The following NPHP4 variants were observed in gnomAD, a reference collection of about 807,000 sequenced individuals.
NPHP4 encodes the protein nephrocystin-4.
A neutral mutation model predicts 155.8 loss-of-function variants in NPHP4; 151 were observed. The observed-to-expected ratio is 0.97, with a 90% CI of 0.85 to 1.11. The LOEUF is 1.11. NPHP4 is among the 50% of genes least tolerant of loss of function. The pLI, the probability that NPHP4 is intolerant of heterozygous loss-of-function variation, is 0.00. For missense variants in NPHP4, 1,956 were observed against 1,925.7 expected (o/e 1.02, Z -0.29); for synonymous variants, 845 against 816.8 (o/e 1.03, Z -0.59).
chr1:5,892,601 C>T lies in NPHP4; in HGVS notation c.2144-1573G>A, dbSNP rs1644187734. ...CAGAATGGGGGCCGGTCCAGCGGGG[C>T]ACTGGAAGGAGCTCCCCAGGAGACA... On this transcript the variant is annotated intron_variant, in intron 16 of 29. Transcript: ENST00000378156. The surrounding 1 kb of genome is among the most constrained non-coding windows in gnomAD (Gnocchi z 4.5). 6.6e-6 allele frequency among the ~76,000 whole-genome samples: 1 copy of T among 152,056 alleles called. No homozygotes were observed. The highest frequency in any genetic ancestry group is 2.1e-4 in the South Asian group (1 of 4,826).
rs34265978 is a variant in NPHP4 at position 5,874,882 on chromosome 1, G to A, written c.3036C>T (p.Pro1012=). Residue 1012 remains proline, a synonymous_variant, in exon 21 of 30, where the codon CCC becomes CCT. Transcript: ENST00000378156. ...QHTVTVEIDN[P]ELSVIVDSQE... ...CACCACTGAGACCTCACCTGAGCTC[G>A]GGGTTGTCGATCTCCACAGTCACCG... 4.8e-4 allele frequency: 769 copies of A among 1,613,624 alleles called. 2 individuals carry two copies. The African/African-American group carries it at 9.1e-3, about 19-fold the overall frequency.
intron 7 of NPHP4, among the ~76,000 whole-genome samples, chr1:5,951,930 C>G (rs1323617681): frequency 6.6e-6 from 1 of 152,188 alleles, no homozygotes; most frequent in East Asian, 1.9e-4. Context: ...GCGCATGCTG[C>G]GTACTAGGCA....
intron 29 of NPHP4, 118 bp from the exon 30 acceptor site, chr1:5,863,523 T>C: frequency 7.9e-7 from 1 of 1,272,886 alleles, no homozygotes; most frequent in South Asian, 1.4e-5. Flanking sequence ...AGGGGAGCCC[T>C]GCGGGTGCAT....
chr1:5,947,926 T>C (rs1647198491), intron 8 of NPHP4, 144 bp downstream of exon 8: 1 of 670,042 alleles, frequency 1.5e-6, no homozygotes, highest in African/African-American at 1.8e-5. Context: ...AGTTTGTTCC[T>C]AATGGGCACA....
chr1:5,952,167 A>G (rs1252913270), intron 7 of NPHP4, among the ~76,000 whole-genome samples: 1 of 152,152 alleles, frequency 6.6e-6, no homozygotes, highest in East Asian at 1.9e-4. Flanking sequence ...CCGAGGGGAC[A>G]GTGAGTCTGG....
chr1:5,988,829 C>T (rs1484067891), intron 1 of NPHP4, among the ~76,000 whole-genome samples: 6 of 152,112 alleles, frequency 3.9e-5, no homozygotes, highest in Non-Finnish European at 8.8e-5. Flanking sequence ...CCACAGTGCA[C>T]CCAGACGCTG....
intron 11 of NPHP4, among the ~76,000 whole-genome samples, chr1:5,926,242 C>A (rs555288281): frequency 1.3e-5 from 2 of 152,304 alleles, no homozygotes; most frequent in South Asian, 4.1e-4. Flanking sequence ...AAATGCATCA[C>A]CTCTATGAAA....
rs551549414 is a variant in NPHP4, at chr1:5,867,251, C to T, written c.3473-136G>A. On this transcript the variant is annotated intron_variant, in intron 24 of 29. Coordinates refer to ENST00000378156, the MANE Select transcript of NPHP4 (RefSeq NM_015102.5). The surrounding 1 kb of genome is among the most constrained non-coding windows in gnomAD (Gnocchi z 4.1). The stretch of plus-strand genomic sequence containing the variant: ...GCAAGACACCTGCTGGGGAAACGGA[C>T]GCCGCCACCTTTCCCAGGACAGCAT... The T allele has an allele frequency of 3.2e-5, 21 of 647,818 alleles. No homozygotes were observed. The highest frequency in any genetic ancestry group is 2.5e-4 in the Middle Eastern group (1 of 3,972). The allele number at this position is 647,818 out of a possible 1,614,324, so 40.1% of individuals were successfully genotyped here. A position where few individuals can be genotyped will look rare whatever the true frequency, so the allele number is the denominator to read the frequency against.
chr1:5,871,941 C>T (rs973065879), intron 23 of NPHP4, among the ~76,000 whole-genome samples: 16 of 152,230 alleles, frequency 1.1e-4, no homozygotes, highest in African/African-American at 3.6e-4. Context: ...GGTAAACTAA[C>T]ACAGTGTCTA....
At chr1:5,967,816 T>C (rs920627697) in intron 4 of NPHP4, among the ~76,000 whole-genome samples, 2 of 152,178 alleles carry the variant, frequency 1.3e-5, no homozygotes, top group South Asian at 4.1e-4. Flanking sequence ...ATCTAGTGCG[T>C]TGCCAGGGAT....
Position 5,905,250 on chromosome 1 carries a change from A to G in NPHP4, c.1955+42T>C. 6.6e-7 allele frequency: 1 copy of G among 1,511,138 alleles called. No homozygotes were observed. Among genetic ancestry groups the G allele is most frequent in the Non-Finnish European group, 9.2e-7 (1 of 1,086,166 alleles). The allele number at this position is 1,511,138 out of a possible 1,614,324, so 93.6% of individuals were successfully genotyped here. ...AGCGAAGTTTCTCTTCAACACAGGA[A>G]ATGTGAAAGCCAGATGAGTAACAGA... On this transcript the variant is annotated intron_variant, in intron 15 of 29. Transcript: ENST00000378156. This position sits in a 1 kb window ranked among gnomAD's most constrained non-coding sequence, Gnocchi z 4.0.
intron 9 of NPHP4, 137 bp downstream of exon 9, chr1:5,946,967 C>T: frequency 1.1e-6 from 1 of 925,274 alleles, no homozygotes; most frequent in Non-Finnish European, 1.7e-6. Flanking sequence ...TGATAAATGT[C>T]AGTAAAGTGA....
chr1:5,980,567 T>A (rs1281792797), intron 2 of NPHP4, among the ~76,000 whole-genome samples: 1 of 149,916 alleles, frequency 6.7e-6, no homozygotes, highest in Non-Finnish European at 1.5e-5. Flanking sequence ...GGGGCGGGAG[T>A]GGAAGCAGGG....
chr1:5,989,979 G>T (rs1450416539), intron 1 of NPHP4, among the ~76,000 whole-genome samples: 3 of 152,238 alleles, frequency 2.0e-5, no homozygotes, highest in Non-Finnish European at 4.4e-5. Context: ...GTGGAGGCAG[G>T]GCAGTCCTAG....
At chr1:5,945,823 A>C (rs373274140) in intron 9 of NPHP4, among the ~76,000 whole-genome samples, 1 of 152,152 alleles carries the variant, frequency 6.6e-6, no homozygotes, top group South Asian at 2.1e-4. Flanking sequence ...GAAAATATTA[A>C]ACAGAAAACT....
In NPHP4 at chr1:5,967,374, G is replaced by T. The variant is rs1318179637; in HGVS notation, c.453-11C>A. ...TGGTACAGCCGCAACCTGGAAGACA[G>T]GACCCAGAGAACAGTCGTCAGCCAC... On this transcript the variant is annotated splice_polypyrimidine_tract_variant and intron_variant, in intron 4 of 29. Coordinates refer to ENST00000378156, the MANE Select transcript of NPHP4 (RefSeq NM_015102.5). 3 of 1,601,554 alleles carry T rather than the reference G, an allele frequency of 1.9e-6. No individual in the cohort carries two copies. Among genetic ancestry groups the T allele is most frequent in the African/African-American group, 1.3e-5 (1 of 74,716 alleles).
rs1646361571 is a variant in NPHP4, at chr1:5,933,127, A to T, written c.1302+20T>A. 6.7e-7 allele frequency: 1 copy of T among 1,501,856 alleles called. No homozygotes were observed. Among genetic ancestry groups the T allele is most frequent in the Admixed American group, 2.1e-5 (1 of 47,006 alleles). 93.0% of individuals were successfully genotyped at this position (1,501,856 alleles called of 1,614,324 possible). A position where few individuals can be genotyped will look rare whatever the true frequency, so the allele number is the denominator to read the frequency against. ...GCTAGAAGCTCACCGGAGATGCATAAGAAATACCTAATAATTTACCTCTTC... is the reference window on the plus strand; with the variant it reads ...GCTAGAAGCTCACCGGAGATGCATATGAAATACCTAATAATTTACCTCTTC... On this transcript the variant is annotated intron_variant, in intron 10 of 29. Coordinates refer to ENST00000378156, the MANE Select transcript of NPHP4 (RefSeq NM_015102.5).
intron 18 of NPHP4, 130 bp downstream of exon 18, chr1:5,887,156 G>A (rs1570248518): frequency 1.2e-6 from 1 of 862,860 alleles, no homozygotes; most frequent in East Asian, 2.7e-5. Flanking sequence ...TGGCCAAGCT[G>A]GTGAGAATTC....
In NPHP4 at chr1:5,874,907, G is replaced by C; in HGVS notation, c.3011C>G (p.Thr1004Arg). 6.2e-7 allele frequency: 1 copy of C among 1,613,800 alleles called. No individual in the cohort carries two copies. The highest frequency in any genetic ancestry group is 8.5e-7 in the Non-Finnish European group (1 of 1,179,866). Residue 1004 changes from threonine to arginine, a missense_variant, in exon 21 of 30, where the codon ACG (threonine) becomes AGG (arginine). Physicochemically the swap from Thr to Arg is moderately conservative, Grantham distance 71. Coordinates refer to ENST00000378156, the MANE Select transcript of NPHP4 (RefSeq NM_015102.5). ...GGGGTTGTCGATCTCCACAGTCACC[G>C]TGTGCTGTGTGTTGTGGGGGTTCTT... ...VLKNPHNTQH[T>R]VTVEIDNPEL...
Sources: gnomAD v4.1 joint callset for allele counts (sites outside exome capture counted in the v4.1 genomes callset) on GRCh38, gnomAD v4.1.1 for gene constraint, Gnocchi (gnomAD v3.1) non-coding constraint, MANE v1.5 for transcripts, NCBI Gene and HGNC (gene_info 2026-07-23, HGNC 2026-07-21) for gene names.